The following PARN variants were observed in gnomAD, a reference collection of about 807,000 sequenced individuals.
The protein encoded by PARN is poly(A)-specific ribonuclease PARN.
A neutral mutation model predicts 102.8 loss-of-function variants in PARN; 71 were observed. That is an observed-to-expected ratio of 0.69 (90% confidence interval 0.57 to 0.84). PARN has a LOEUF of 0.84. Among genes scored for constraint, PARN ranks in the 40% least tolerant of loss-of-function variants. The pLI, the probability that PARN is intolerant of heterozygous loss-of-function variation, is 0.00. For synonymous variants in PARN, 261 were observed against 252.9 expected, an observed-to-expected ratio of 1.03 and a Z score of -0.30; for missense variants, 782 against 760.9, an observed-to-expected ratio of 1.03 and a Z score of -0.33.
At chr16:14,543,365 G>C (rs1396153690) in intron 21 of PARN, among the ~76,000 whole-genome samples, 1 of 152,144 alleles carries the variant, frequency 6.6e-6, no homozygotes, top group African/African-American at 2.4e-5. Flanking sequence ...AAGAAACCTG[G>C]ATCTTCAGGC....
chr16:14,547,890 A>G (rs1301603722), intron 21 of PARN, among the ~76,000 whole-genome samples: 1 of 152,172 alleles, frequency 6.6e-6, no homozygotes, highest in Non-Finnish European at 1.5e-5. Flanking sequence ...TCTCAATGTT[A>G]CATTATTGAC....
At chr16:14,440,656 T>C (rs1228402380) in intron 23 of PARN, among the ~76,000 whole-genome samples, 2 of 152,316 alleles carry the variant, frequency 1.3e-5, no homozygotes, top group East Asian at 3.9e-4. Context: ...TACAGTGGAA[T>C]ACCACTTAGC....
chr16:14,510,811 T>A (rs1471104758), intron 21 of PARN, among the ~76,000 whole-genome samples: 2 of 152,198 alleles, frequency 1.3e-5, no homozygotes, highest in African/African-American at 4.8e-5. Flanking sequence ...AGGCAATGCT[T>A]ATCACCTAGC....
chr16:14,583,927 C>T, intron 16 of PARN, among the ~76,000 whole-genome samples: 1 of 152,148 alleles, frequency 6.6e-6, no homozygotes. Context: ...GGGGACTTGC[C>T]TTAATCTCAC....
intron 18 of PARN, among the ~76,000 whole-genome samples, chr16:14,570,657 AAAAAAGAGAAAAG>A (rs1022570363): frequency 3.3e-5 from 5 of 150,866 alleles, no homozygotes; most frequent in Non-Finnish European, 7.4e-5. Flanking sequence ...CTCAAAAAAA[AAAAAAGAGAAAAG>A]AAAAAGAAAA....
At position 14,612,742 on chromosome 16, in the gene PARN, C is replaced by T. The variant is rs529616045; in HGVS notation, c.389-1933G>A. ...CCTCCCAAGTTGCTGGGATTACAGG[C>T]GCCCGCCACCATACCCAGCTAATTT... On this transcript the variant is annotated intron_variant, in intron 6 of 23. Transcript: ENST00000437198. Among the ~76,000 whole-genome samples the T allele has an allele frequency of 2.1e-3, 317 of 151,860 alleles. 2 individuals carry two copies. The highest frequency in any genetic ancestry group is 7.0e-3 in the African/African-American group (291 of 41,534).
At chr16:14,539,721 T>G (rs567674636) in intron 21 of PARN, among the ~76,000 whole-genome samples, 6 of 152,356 alleles carry the variant, frequency 3.9e-5, no homozygotes, top group Admixed American at 3.9e-4. Context: ...GATTCTCCTA[T>G]AGCAGACTGA....
chr16:14,554,418 ATTTG>A (rs1236955706), intron 19 of PARN, among the ~76,000 whole-genome samples: 1 of 150,290 alleles, frequency 6.7e-6, no homozygotes, highest in Admixed American at 6.7e-5. Flanking sequence ...TGTGCAAATT[ATTTG>A]TTTATTTTTT....
Position 14,608,271 on chromosome 16 carries a change from A to AAAT in PARN, c.659+7_659+9dup, listed in dbSNP as rs1971315284. ...CCCACAGAGCTGCTGCATACAATATAAATACTTACTTCCAGCTCAAAGTCT... is the reference window on the plus strand; with the variant it reads ...CCCACAGAGCTGCTGCATACAATATAAATAATACTTACTTCCAGCTCAAAGTCT... On this transcript the variant is annotated intron_variant, in intron 9 of 23. Transcript: ENST00000437198. 1 of 1,522,814 alleles carries AAAT rather than the reference A, an allele frequency of 6.6e-7. No homozygotes were observed. Among genetic ancestry groups the AAAT allele is most frequent in the Non-Finnish European group, 8.9e-7 (1 of 1,123,236 alleles). 94.3% of individuals were successfully genotyped at this position (1,522,814 alleles called of 1,614,324 possible).
chr16:14,608,186 A>C (rs1596844325), intron 9 of PARN, 95 bp downstream of exon 9: 1 of 900,552 alleles, frequency 1.1e-6, no homozygotes, highest in East Asian at 2.7e-5. Context: ...TGAGAACCGC[A>C]GAATTTCAAA....
chr16:14,587,519 A>T (rs1969933061), intron 13 of PARN, among the ~76,000 whole-genome samples: 1 of 152,194 alleles, frequency 6.6e-6, no homozygotes, highest in Non-Finnish European at 1.5e-5. Flanking sequence ...CTTTTTATCA[A>T]GTCAGGGTCT....
In PARN at chr16:14,519,898, C is replaced by G. The variant is rs576260733; in HGVS notation, c.1480+32123G>C. Among the ~76,000 whole-genome samples, 3 of 152,196 alleles carry G rather than the reference C, an allele frequency of 2.0e-5. No individual in the cohort carries two copies. In the South Asian group the frequency reaches 6.2e-4, roughly 32 times the overall value. Reference sequence around the variant, plus strand: ...TTACAGTATCACCATATTGCAGTCTCTAATGAAATAATGGATCTAGGTTAA... The same window carrying G: ...TTACAGTATCACCATATTGCAGTCTGTAATGAAATAATGGATCTAGGTTAA... On this transcript the variant is annotated intron_variant, in intron 21 of 23. Coordinates refer to ENST00000437198, the MANE Select transcript of PARN (RefSeq NM_002582.4).
chr16:14,580,836 T>G, intron 18 of PARN, 38 bp downstream of exon 18: 12 of 1,240,268 alleles, frequency 9.7e-6, no homozygotes, highest in Non-Finnish European at 1.3e-5. Flanking sequence ...TGTTCCACAG[T>G]GAGAGAACTT....
At chr16:14,566,141 TCC>T (rs1008844248) in intron 18 of PARN, among the ~76,000 whole-genome samples, 2 of 152,158 alleles carry the variant, frequency 1.3e-5, no homozygotes, top group Non-Finnish European at 2.9e-5. Context: ...CACTTTCTAC[TCC>T]CTGGAACCTC....
intron 21 of PARN, among the ~76,000 whole-genome samples, chr16:14,546,452 G>A (rs1471150571): frequency 6.6e-6 from 1 of 152,094 alleles, no homozygotes; most frequent in Non-Finnish European, 1.5e-5. Context: ...TATAATTACT[G>A]GGTAACTTTT....
At chr16:14,568,183 C>G (rs1043196190) in intron 18 of PARN, among the ~76,000 whole-genome samples, 2 of 150,926 alleles carry the variant, frequency 1.3e-5, no homozygotes, top group African/African-American at 4.9e-5. Context: ...GACCTCATCT[C>G]TATGAAAAAC....
At chr16:14,616,530 G>C (rs990903120) in intron 6 of PARN, among the ~76,000 whole-genome samples, 2 of 152,206 alleles carry the variant, frequency 1.3e-5, no homozygotes, top group Non-Finnish European at 2.9e-5. Context: ...TGGATTGTTC[G>C]AGGACAGGAG....
At chr16:14,617,878 A>G (rs1259760596) in intron 5 of PARN, among the ~76,000 whole-genome samples, 1 of 152,136 alleles carries the variant, frequency 6.6e-6, no homozygotes, top group Non-Finnish European at 1.5e-5. Flanking sequence ...TTTGTTTCAC[A>G]ATTTTTTTTT....
chr16:14,457,952 G>A (rs1391949861), intron 22 of PARN, among the ~76,000 whole-genome samples: 1 of 151,460 alleles, frequency 6.6e-6, no homozygotes. Context: ...GTGTGTGAGA[G>A]AGAGAGACAG....
Sources: allele counts gnomAD v4.1 joint callset (sites outside exome capture counted in the v4.1 genomes callset), GRCh38; gene constraint gnomAD v4.1.1; transcripts MANE v1.5; gene names NCBI Gene and HGNC (gene_info 2026-07-23, HGNC 2026-07-21).